The following USP10 variants were observed in gnomAD, a reference collection of about 807,000 sequenced individuals.
The protein encoded by USP10 is ubiquitin carboxyl-terminal hydrolase 10.
Under a neutral mutation model 84.5 loss-of-function variants are expected in USP10, and 22 were observed. The observed-to-expected ratio is 0.26, with a 90% CI of 0.19 to 0.37. USP10 has a LOEUF of 0.37. Among genes scored for constraint, USP10 ranks in the 10% least tolerant of loss-of-function variants. The pLI is 1.00. For synonymous variants in USP10, 454 were observed against 387.6 expected (o/e 1.17, Z -2.01); for missense variants, 1,019 against 998.9 (o/e 1.02, Z -0.27).
In USP10 at chr16:84,767,441, T is replaced by A. The variant is rs1370822114; in HGVS notation, c.1833-752T>A. ...TTTCCTGGAATGTTAACTTGTTTTT[T>A]ATTCTACACACCCTACTCCCCTTCT... On this transcript the variant is annotated intron_variant, in intron 10 of 13. Transcript: ENST00000219473. Among the ~76,000 whole-genome samples, 84 of 152,248 alleles carry A rather than the reference T, an allele frequency of 5.5e-4. 2 individuals carry two copies. Among genetic ancestry groups the A allele is most frequent in the Non-Finnish European group, 1.9e-4 (13 of 68,050 alleles).
intron 1 of USP10, among the ~76,000 whole-genome samples, chr16:84,707,793 G>A (rs1336441132): frequency 6.6e-6 from 1 of 151,968 alleles, no homozygotes; most frequent in East Asian, 1.9e-4. Flanking sequence ...AAATATTTTG[G>A]GCCAGGTGCA....
chr16:84,747,554 A>ATTTTTTTT (rs71151244), intron 4 of USP10, among the ~76,000 whole-genome samples: 3 of 73,032 alleles, frequency 4.1e-5, no homozygotes, highest in Non-Finnish European at 6.8e-5. Context: ...AAGCCAGGTG[A>ATTTTTTTT]TTTTTTTTTT....
chr16:84,770,754 A>T (rs1026222445), intron 11 of USP10, among the ~76,000 whole-genome samples: 2 of 142,256 alleles, frequency 1.4e-5, no homozygotes, highest in African/African-American at 5.3e-5. Context: ...CCTGGGCGAC[A>T]GAGCGAGACT....
At chr16:84,776,837 G>C (rs1217072557) in intron 13 of USP10, among the ~76,000 whole-genome samples, 1 of 152,278 alleles carries the variant, frequency 6.6e-6, no homozygotes, top group East Asian at 1.9e-4. Flanking sequence ...TTTTGAGATA[G>C]AGTTTTGCTC....
intron 4 of USP10, among the ~76,000 whole-genome samples, chr16:84,748,662 G>A (rs1911541276): frequency 6.6e-6 from 1 of 152,016 alleles, no homozygotes; most frequent in East Asian, 1.9e-4. Flanking sequence ...CCCATCTTAG[G>A]GAGATTTTCT....
intron 3 of USP10, among the ~76,000 whole-genome samples, chr16:84,740,753 A>C (rs1401060903): frequency 2.0e-5 from 3 of 152,198 alleles, no homozygotes; most frequent in Non-Finnish European, 4.4e-5. Flanking sequence ...TGTTCTTTGT[A>C]AACTAAGGGG....
rs566254884 is a variant in USP10 at position 84,715,538 on chromosome 16, G to A, written c.21+15427G>A. ...GGCATGAGCCAGTGAGTCCACCTGGGTGACCTTACTACTTTATATGAATCC... is the reference window on the plus strand; with the variant it reads ...GGCATGAGCCAGTGAGTCCACCTGGATGACCTTACTACTTTATATGAATCC... On this transcript the variant is annotated intron_variant, in intron 1 of 13. Transcript: ENST00000219473. Among the ~76,000 whole-genome samples, 58 of 152,294 alleles carry A rather than the reference G, an allele frequency of 3.8e-4. No homozygotes were observed. The Middle Eastern group carries it at 0.01, about 27-fold the overall frequency.
chr16:84,739,493 G>A (rs1910367704), intron 2 of USP10, among the ~76,000 whole-genome samples: 1 of 151,836 alleles, frequency 6.6e-6, no homozygotes. Context: ...GACTGGTCTA[G>A]AACTCCTGAC....
intron 3 of USP10, 126 bp from the exon 4 acceptor site, chr16:84,744,507 G>T: frequency 1.2e-6 from 1 of 830,130 alleles, no homozygotes; most frequent in Non-Finnish European, 1.8e-6. Flanking sequence ...GTAAGTAAAG[G>T]ACGTAATAGA....
rs1050964724 is a variant in USP10, at chr16:84,775,093, A to G, written c.2144-67A>G. ...CTTGCTGGGGAGAATGTTGTTAGCC[A>G]TTTTCTGCTGCTGTTACCCTGAACC... is the stretch of plus-strand genomic sequence containing the variant. On this transcript the variant is annotated intron_variant, in intron 12 of 13. Coordinates refer to ENST00000219473, the MANE Select transcript of USP10 (RefSeq NM_005153.3). 7 of 1,423,522 alleles carry G rather than the reference A, an allele frequency of 4.9e-6. 1 individual carries two copies. The allele number at this position is 1,423,522 out of a possible 1,614,324, so 88.2% of individuals were successfully genotyped here. A position where few individuals can be genotyped will look rare whatever the true frequency, so the allele number is the denominator to read the frequency against.
intron 12 of USP10, among the ~76,000 whole-genome samples, chr16:84,774,774 T>C (rs2150875503): frequency 6.6e-6 from 1 of 152,330 alleles, no homozygotes. Context: ...TGGCCTGTAA[T>C]TGAAGTTTTA....
intron 1 of USP10, among the ~76,000 whole-genome samples, chr16:84,703,609 A>G (rs1905148942): frequency 6.6e-6 from 1 of 152,258 alleles, no homozygotes; most frequent in African/African-American, 2.4e-5. Context: ...AAGTAAATAC[A>G]ATTGTTTGAA....
intron 3 of USP10, among the ~76,000 whole-genome samples, chr16:84,743,069 G>T (rs962668281): frequency 1.3e-5 from 2 of 152,150 alleles, no homozygotes; most frequent in Admixed American, 1.3e-4. Flanking sequence ...GAGCCTTGAC[G>T]GCCCCAGAAC....
At chr16:84,733,390 A>G (rs772796256) in intron 1 of USP10, 45 bp from the exon 2 acceptor site, 1 of 1,433,014 alleles carries the variant, frequency 7.0e-7, no homozygotes, top group South Asian at 1.2e-5. Context: ...AAAGTATATA[A>G]TTTGTATATT....
At chr16:84,754,127 C>A (rs1327424471) in intron 4 of USP10, among the ~76,000 whole-genome samples, 1 of 152,098 alleles carries the variant, frequency 6.6e-6, no homozygotes, top group African/African-American at 2.4e-5. Flanking sequence ...AGGCACACAG[C>A]ACTAATATCA....
chr16:84,710,133 G>C (rs1357410049), intron 1 of USP10, among the ~76,000 whole-genome samples: 4 of 152,108 alleles, frequency 2.6e-5, no homozygotes, highest in Admixed American at 2.6e-4. Flanking sequence ...AGCCGGGCGT[G>C]GTGGCGCATG....
chr16:84,707,134 G>A (rs1385550530), intron 1 of USP10, among the ~76,000 whole-genome samples: 3 of 152,166 alleles, frequency 2.0e-5, no homozygotes. Flanking sequence ...AAAAGCAGGT[G>A]TTTTGACTTC....
At chr16:84,714,523 T>C (rs1906745852) in intron 1 of USP10, among the ~76,000 whole-genome samples, 1 of 152,150 alleles carries the variant, frequency 6.6e-6, no homozygotes, top group Admixed American at 6.5e-5. Context: ...CCATTAAATA[T>C]TTTCCTTTGC....
intron 11 of USP10, 59 bp downstream of exon 11, chr16:84,768,417 A>T: frequency 7.0e-7 from 1 of 1,427,534 alleles, no homozygotes; most frequent in South Asian, 1.6e-5. Flanking sequence ...GGTGGAAAGA[A>T]CACAAAATTA....
Sources: gnomAD v4.1 joint callset for allele counts (sites outside exome capture counted in the v4.1 genomes callset) on GRCh38, gnomAD v4.1.1 for gene constraint, MANE v1.5 for transcripts, NCBI Gene and HGNC (gene_info 2026-07-23, HGNC 2026-07-21) for gene names.